Variants in NEB observed in about 807,000 individuals in gnomAD.
The protein encoded by NEB is nebulin.
Under a neutral mutation model 952.2 loss-of-function variants are expected in NEB, and 512 were observed. The observed-to-expected ratio is 0.54, with a 90% CI of 0.50 to 0.58. The LOEUF (loss-of-function observed/expected upper bound fraction) is 0.58. Ranked by LOEUF, NEB falls within the 20% of genes least tolerant of loss-of-function variation. The pLI, the probability that NEB is intolerant of heterozygous loss-of-function variation, is 0.00. For synonymous variants in NEB, 2,900 were observed against 3,149.8 expected (o/e 0.92, Z 2.66); for missense variants, 8,428 against 9,231.1 (o/e 0.91, Z 3.56).
At chr2:151,505,977 A>G in intron 164 of NEB, 189 bp downstream of exon 164, 6 of 612,466 alleles carry the variant, frequency 9.8e-6, no homozygotes, top group African/African-American at 3.7e-5. Context: ...TCTCTCCCTC[A>G]TGAAAACCGC....
At chr2:151,649,729 C>T (rs2099009272) in intron 54 of NEB, among the ~76,000 whole-genome samples, 2 of 152,136 alleles carry the variant, frequency 1.3e-5, no homozygotes. Flanking sequence ...TACTTATTTA[C>T]AGTGACAGAA....
chr2:151,715,031 C>T (rs2099755344), intron 10 of NEB, among the ~76,000 whole-genome samples: 2 of 152,202 alleles, frequency 1.3e-5, no homozygotes, highest in African/African-American at 4.8e-5. Context: ...TAAATAATGT[C>T]ACCATGGCCA....
In NEB at chr2:151,711,347, T is replaced by A. The variant is rs144180333; in HGVS notation, c.823-809A>T. On this transcript the variant is annotated intron_variant, in intron 10 of 181. Coordinates refer to ENST00000397345, the MANE Select transcript of NEB (RefSeq NM_001164508.2). ...CTGAGTTAGAGCAATTCTCCCTCCA[T>A]GGCTCATAAAAATGTGTTAACAGAC... Among the ~76,000 whole-genome samples, 5 of 152,338 alleles carry A rather than the reference T, an allele frequency of 3.3e-5. No homozygotes were observed. In the South Asian group the frequency reaches 1.0e-3, roughly 32 times the overall value.
chr2:151,642,932 C>G, intron 58 of NEB, 63 bp from the exon 59 acceptor site: 1 of 1,354,442 alleles, frequency 7.4e-7, no homozygotes, highest in Non-Finnish European at 1.0e-6. Context: ...TGCAGACAGT[C>G]TGATTTTTAA....
intron 107 of NEB, among the ~76,000 whole-genome samples, chr2:151,574,733 T>C (rs2096771620): frequency 1.3e-5 from 2 of 151,502 alleles, no homozygotes; most frequent in Admixed American, 6.6e-5. Flanking sequence ...TTTATTTATT[T>C]ATTTATTTAT....
In NEB at chr2:151,724,846, C is replaced by A; in HGVS notation, c.507+11G>T. 1 of 1,608,518 alleles carries A rather than the reference C, an allele frequency of 6.2e-7. No homozygotes were observed. Among genetic ancestry groups the A allele is most frequent in the South Asian group, 1.1e-5 (1 of 90,368 alleles). ...TACTGAGTACCCCAGCCATCCATAT[C>A]ATTGCCTTACCTTACTGACTTGCTG... On this transcript the variant is annotated intron_variant, in intron 7 of 181. Transcript: ENST00000397345.
Position 151,706,863 on chromosome 2 carries a change from T to C in NEB, c.1152+18A>G. 2 of 1,555,478 alleles carry C rather than the reference T, an allele frequency of 1.3e-6. No homozygotes were observed. Among genetic ancestry groups the C allele is most frequent in the Non-Finnish European group, 1.7e-6 (2 of 1,143,374 alleles). On this transcript the variant is annotated intron_variant, in intron 13 of 181. Coordinates refer to ENST00000397345, the MANE Select transcript of NEB (RefSeq NM_001164508.2). Reference sequence around the variant, plus strand: ...TTGCAGCTAAGGTTTAAAAACACTTTGACAAAAATATACTTACGTCACTTA... The same window carrying C: ...TTGCAGCTAAGGTTTAAAAACACTTCGACAAAAATATACTTACGTCACTTA...
chr2:151,643,188 T>C lies in NEB; in HGVS notation c.8122A>G (p.Met2708Val), dbSNP rs752579656. The C allele has an allele frequency of 1.9e-6, 3 of 1,613,800 alleles. No homozygotes were observed. In the South Asian group the frequency reaches 3.3e-5, roughly 18 times the overall value. Residue 2708 changes from methionine (M) to valine (V), a missense_variant, in exon 58 of 182, where the codon ATG (methionine) becomes GTG (valine). Around this residue, in one of 11 missense-constraint regions of NEB, gnomAD observed 1,772 missense variants for 1,960.3 expected, o/e 0.90. Transcript: ENST00000397345. The part of the protein sequence containing the change: ...KFSSLMDSIP[M>V]VLAKNNAITM... Reference sequence around the variant, plus strand: ...ATAGCATTGTTTTTTGCCAAAACCATTGGTATGGAATCCATAAGGCTGGAA... The same window carrying C: ...ATAGCATTGTTTTTTGCCAAAACCACTGGTATGGAATCCATAAGGCTGGAA...
intron 173 of NEB, among the ~76,000 whole-genome samples, chr2:151,495,654 A>G (rs1282265471): frequency 6.6e-6 from 1 of 152,066 alleles, no homozygotes; most frequent in Non-Finnish European, 1.5e-5. Context: ...TAAAGACTAC[A>G]GTAAAACTAA....
In NEB at chr2:151,614,302, G is replaced by A. The variant is rs562669490; in HGVS notation, c.11575C>T (p.Arg3859Trp). Residue 3859 changes from arginine to tryptophan, a missense_variant, in exon 77 of 182, where the codon CGG becomes TGG. Transcript: ENST00000397345. ...TCACTCTGCAGGTCATAGGCCTTCC[G>A]AGCCTGAATGACGTCATTCTGATCA... ...LPDQNDVIQA[R>W]KAYDLQSDAI... 39 of 1,613,792 alleles carry A rather than the reference G, an allele frequency of 2.4e-5. No homozygotes were observed. The highest frequency in any genetic ancestry group is 3.3e-5 in the South Asian group (3 of 91,072).
intron 13 of NEB, among the ~76,000 whole-genome samples, chr2:151,701,679 G>A (rs1380324799): frequency 6.6e-6 from 1 of 151,084 alleles, no homozygotes; most frequent in Admixed American, 6.6e-5. Context: ...TTCTTTGATG[G>A]TAGTTTGTAT....
In NEB at chr2:151,508,127, G is replaced by T. The variant is rs1489298346; in HGVS notation, c.23347-18C>A. ...TACTTTTTCTGGGAATAGATTCCAA[G>T]AAATAAGGAGGGTAAACACCACAGG... is the stretch of plus-strand genomic sequence containing the variant. On this transcript the variant is annotated intron_variant, in intron 161 of 181. Coordinates refer to ENST00000397345, the MANE Select transcript of NEB (RefSeq NM_001164508.2). 4.5e-6 allele frequency: 7 copies of T among 1,550,224 alleles called. No homozygotes were observed. Among genetic ancestry groups the T allele is most frequent in the Non-Finnish European group, 6.2e-6 (7 of 1,132,106 alleles).
rs1483550150 is a variant in NEB at position 151,625,655 on chromosome 2, G to A, written c.10348-17C>T. Reference sequence around the variant, plus strand: ...GTATAAGCGCTGTGAAGGATAAAAAGGTTAATGAATTAGAAAAACAGTTTG... The same window carrying A: ...GTATAAGCGCTGTGAAGGATAAAAAAGTTAATGAATTAGAAAAACAGTTTG... On this transcript the variant is annotated splice_polypyrimidine_tract_variant and intron_variant, in intron 70 of 181. Coordinates refer to ENST00000397345, the MANE Select transcript of NEB (RefSeq NM_001164508.2). 3.9e-6 allele frequency: 6 copies of A among 1,519,946 alleles called. No homozygotes were observed. The highest frequency in any genetic ancestry group is 1.7e-4 in the Middle Eastern group (1 of 5,724). 94.2% of individuals were successfully genotyped at this position (1,519,946 alleles called of 1,614,324 possible). A position where few individuals can be genotyped will look rare whatever the true frequency, so the allele number is the denominator to read the frequency against.
chr2:151,706,412 T>G (rs2099706426), intron 13 of NEB, among the ~76,000 whole-genome samples: 1 of 152,220 alleles, frequency 6.6e-6, no homozygotes, highest in African/African-American at 2.4e-5. Context: ...TGCTTTAAAT[T>G]GAACGGCTTA....
intron 161 of NEB, among the ~76,000 whole-genome samples, chr2:151,509,672 G>T (rs1406459719): frequency 6.6e-6 from 1 of 152,124 alleles, no homozygotes; most frequent in Non-Finnish European, 1.5e-5. Flanking sequence ...AGTGTCTCCA[G>T]GCTAGAGTCC....
intron 54 of NEB, among the ~76,000 whole-genome samples, chr2:151,648,869 A>G (rs1189703182): frequency 6.6e-6 from 1 of 152,208 alleles, no homozygotes; most frequent in Non-Finnish European, 1.5e-5. Flanking sequence ...GGATAGGTGT[A>G]TCAGTTGATT....
intron 107 of NEB, among the ~76,000 whole-genome samples, chr2:151,574,052 C>T (rs990501983): frequency 6.6e-6 from 1 of 152,184 alleles, no homozygotes; most frequent in South Asian, 2.1e-4. Context: ...CGGCTTACTG[C>T]TAGCTCCGCC....
At chr2:151,556,916 A>C (rs1472246735) in intron 124 of NEB, among the ~76,000 whole-genome samples, 1 of 152,118 alleles carries the variant, frequency 6.6e-6, no homozygotes, top group Admixed American at 6.5e-5. Context: ...AGAAAGCAGG[A>C]AAGATCTAAA....
intron 161 of NEB, among the ~76,000 whole-genome samples, chr2:151,509,991 G>A (rs1419644183): frequency 6.6e-6 from 1 of 152,208 alleles, no homozygotes; most frequent in Non-Finnish European, 1.5e-5. Context: ...AAGTTTTTCA[G>A]AGCTTACCTT....
Sources: gnomAD v4.1 joint callset for allele counts (sites outside exome capture counted in the v4.1 genomes callset) on GRCh38, gnomAD v4.1.1 for gene constraint, gnomAD v4.1.1 regional missense constraint, MANE v1.5 for transcripts, NCBI Gene and HGNC (gene_info 2026-07-23, HGNC 2026-07-21) for gene names.